Variants in L3MBTL4 observed in about 807,000 individuals in gnomAD.
L3MBTL4 encodes L3MBTL histone methyl-lysine binding protein 4.
L3MBTL4 carries 70 observed loss-of-function variants against 84.5 expected under a neutral mutation model. The ratio of observed to expected loss-of-function variants is 0.83; its 90% CI spans 0.68 to 1.01. The LOEUF (loss-of-function observed/expected upper bound fraction) is 1.01, where lower values mean the gene tolerates loss of function less well. L3MBTL4 is among the 50% of genes least tolerant of loss of function. The pLI, the probability that L3MBTL4 is intolerant of heterozygous loss-of-function variation, is 0.00. For synonymous variants in L3MBTL4, 274 were observed against 259.8 expected (o/e 1.05, Z -0.52); for missense variants, 715 against 754.8 (o/e 0.95, Z 0.62).
At chr18:5,968,103 G>A (rs2052443358) in intron 17 of L3MBTL4, among the ~76,000 whole-genome samples, 1 of 152,220 alleles carries the variant, frequency 6.6e-6, no homozygotes. Flanking sequence ...TGGCCTGCCT[G>A]TTCCTTGGCC....
intron 1 of L3MBTL4, among the ~76,000 whole-genome samples, chr18:6,312,404 A>ATTG: frequency 6.6e-6 from 1 of 152,188 alleles, no homozygotes; most frequent in Non-Finnish European, 1.5e-5. Context: ...GGTAAATGTA[A>ATTG]CATATTTGCA....
intron 1 of L3MBTL4, among the ~76,000 whole-genome samples, chr18:6,372,607 G>T (rs1881153730): frequency 6.6e-6 from 1 of 152,124 alleles, no homozygotes; most frequent in Non-Finnish European, 1.5e-5. Flanking sequence ...TCCTGGTCTT[G>T]CACAAAGCAA....
At chr18:6,157,831 AAATC>A (rs1258592075) in intron 13 of L3MBTL4, among the ~76,000 whole-genome samples, 3 of 152,222 alleles carry the variant, frequency 2.0e-5, no homozygotes, top group African/African-American at 7.2e-5. Context: ...TTCCAAATAA[AAATC>A]AAACAGAAGC....
intron 1 of L3MBTL4, among the ~76,000 whole-genome samples, chr18:6,412,270 G>T (rs1312573864): frequency 2.6e-5 from 4 of 151,924 alleles, no homozygotes; most frequent in African/African-American, 7.3e-5. Context: ...TGTATAAATG[G>T]AATTTATCCT....
At chr18:6,287,491 T>C (rs1454849463) in intron 4 of L3MBTL4, among the ~76,000 whole-genome samples, 2 of 152,216 alleles carry the variant, frequency 1.3e-5, no homozygotes, top group African/African-American at 4.8e-5. Context: ...TCCTCAGCTA[T>C]TCTGGCATAC....
chr18:6,030,423 C>G (rs2055732095), intron 16 of L3MBTL4: 1 of 984,804 alleles, frequency 1.0e-6, no homozygotes, highest in Non-Finnish European at 1.2e-6. Context: ...TATACATCTT[C>G]TGACTTTATC....
intron 10 of L3MBTL4, among the ~76,000 whole-genome samples, chr18:6,231,196 T>C (rs551249157): frequency 3.3e-5 from 5 of 152,296 alleles, no homozygotes; most frequent in African/African-American, 1.2e-4. Context: ...TCTTCCATAG[T>C]TTTTATACTT....
In L3MBTL4 at chr18:6,325,579, T is replaced by A. The variant is rs147424799; in HGVS notation, c.-90-13523A>T. Among the ~76,000 whole-genome samples, 1,111 of 152,292 alleles carry A rather than the reference T, an allele frequency of 7.3e-3. 16 individuals are homozygous for A. The highest frequency in any genetic ancestry group is 0.026 in the African/African-American group (1,074 of 41,550). Reference sequence around the variant, plus strand: ...AACTATATAAGTAGTATATATAAAGTAAACTGCCTTTTTACTTATACAGTA... The same window carrying A: ...AACTATATAAGTAGTATATATAAAGAAAACTGCCTTTTTACTTATACAGTA... On this transcript the variant is annotated intron_variant, in intron 1 of 18. Coordinates refer to ENST00000317931, the MANE Select transcript of L3MBTL4 (RefSeq NM_001330559.2).
At chr18:5,981,535 G>C (rs888377978) in intron 16 of L3MBTL4, among the ~76,000 whole-genome samples, 1 of 152,148 alleles carries the variant, frequency 6.6e-6, no homozygotes, top group Non-Finnish European at 1.5e-5. Flanking sequence ...AGTTCCAAGG[G>C]CTAGGTGCAG....
At chr18:6,291,513 G>GT (rs1207229556) in intron 4 of L3MBTL4, among the ~76,000 whole-genome samples, 3 of 152,116 alleles carry the variant, frequency 2.0e-5, no homozygotes, top group Non-Finnish European at 4.4e-5. Flanking sequence ...CAGACTGATG[G>GT]AACACAACAG....
At chr18:6,112,765 G>A (rs1381636949) in intron 14 of L3MBTL4, among the ~76,000 whole-genome samples, 2 of 152,116 alleles carry the variant, frequency 1.3e-5, no homozygotes, top group African/African-American at 4.8e-5. Context: ...TAGTGTTTAG[G>A]ATGTCATAGT....
chr18:6,244,569 T>G lies in L3MBTL4; in HGVS notation c.239A>C (p.His80Pro), dbSNP rs1022171583. The G allele has an allele frequency of 1.5e-5, 25 of 1,612,922 alleles. No individual in the cohort carries two copies. The highest frequency in any genetic ancestry group is 2.0e-5 in the Non-Finnish European group (24 of 1,178,904). Residue 80 changes from histidine to proline, a missense_variant, in exon 6 of 19, where the codon CAT becomes CCT. Physicochemically the swap from His to Pro is moderately conservative, Grantham distance 77. Coordinates refer to ENST00000317931, the MANE Select transcript of L3MBTL4 (RefSeq NM_001330559.2). ...CATTCCAATCTGAAAACCATTTTCATGCTCTGGAAAGGACTGATCCTACAA... is the reference window on the plus strand; with the variant it reads ...CATTCCAATCTGAAAACCATTTTCAGGCTCTGGAAAGGACTGATCCTACAA... Reference protein sequence around the residue: ...LFSKDQSFPEHENGFQIGMRL... With the variant: ...LFSKDQSFPEPENGFQIGMRL...
chr18:6,036,452 CT>C (rs1430652133), intron 16 of L3MBTL4, among the ~76,000 whole-genome samples: 3 of 151,878 alleles, frequency 2.0e-5, no homozygotes, highest in South Asian at 2.1e-4. Context: ...TTCAAAATTT[CT>C]TTTTGGTTTC....
intron 16 of L3MBTL4, chr18:6,029,911 T>C (rs1038885319): frequency 1.5e-5 from 15 of 985,180 alleles, no homozygotes; most frequent in Non-Finnish European, 1.8e-5. Context: ...GAGTGATGAG[T>C]ACAGAAGACA....
At chr18:5,982,151 C>T (rs1277713320) in intron 16 of L3MBTL4, among the ~76,000 whole-genome samples, 1 of 152,170 alleles carries the variant, frequency 6.6e-6, no homozygotes, top group African/African-American at 2.4e-5. Context: ...TGTTGCGTTT[C>T]AACCTCCTAT....
chr18:6,327,915 C>T (rs1052550791), intron 1 of L3MBTL4, among the ~76,000 whole-genome samples: 1 of 152,162 alleles, frequency 6.6e-6, no homozygotes, highest in African/African-American at 2.4e-5. Flanking sequence ...CAAGTAACCA[C>T]GTTATGTACT....
At chr18:6,408,597 C>T (rs1049729304) in intron 1 of L3MBTL4, among the ~76,000 whole-genome samples, 8 of 152,174 alleles carry the variant, frequency 5.3e-5, no homozygotes, top group Non-Finnish European at 1.0e-4. Context: ...TCACCACTCT[C>T]TACTGCCTCC....
intron 12 of L3MBTL4, 127 bp downstream of exon 12, chr18:6,213,022 C>T: frequency 3.5e-6 from 2 of 574,742 alleles, no homozygotes; most frequent in Non-Finnish European, 3.0e-6. Flanking sequence ...GAACGCTTTT[C>T]CCCCCAGAAA....
intron 7 of L3MBTL4, among the ~76,000 whole-genome samples, chr18:6,242,911 T>G (rs931165907): frequency 6.6e-6 from 1 of 152,234 alleles, no homozygotes; most frequent in South Asian, 2.1e-4. Flanking sequence ...AACAAATTAC[T>G]TACAGTGAAT....
Sources: allele counts gnomAD v4.1 joint callset (sites outside exome capture counted in the v4.1 genomes callset), GRCh38; gene constraint gnomAD v4.1.1; transcripts MANE v1.5; gene names NCBI Gene and HGNC (gene_info 2026-07-23, HGNC 2026-07-21).